The following TNS2 variants were observed in gnomAD, a reference collection of about 807,000 sequenced individuals.
The protein encoded by TNS2 is tensin 2.
Under a neutral mutation model 155.7 loss-of-function variants are expected in TNS2, and 77 were observed. That is an observed-to-expected ratio of 0.49 (90% confidence interval 0.41 to 0.60). TNS2 has a LOEUF of 0.60. Among genes scored for constraint, TNS2 ranks in the 20% least tolerant of loss-of-function variants. The pLI, the probability that TNS2 is intolerant of heterozygous loss-of-function variation, is 0.00. For missense variants in TNS2, 1,703 were observed against 1,868.8 expected (o/e 0.91, Z 1.64); for synonymous variants, 726 against 763.9 (o/e 0.95, Z 0.82).
At chr12:53,052,410 C>G (rs755596984) in intron 2 of TNS2, 45 bp from the exon 3 acceptor site, 4 of 1,612,384 alleles carry the variant, frequency 2.5e-6, no homozygotes, top group Non-Finnish European at 3.4e-6. Context: ...CTTCCACTGT[C>G]CCACAGGCCC....
At chr12:53,051,825 TCA>T in intron 1 of TNS2, 28 bp from the exon 2 acceptor site, 1 of 1,582,608 alleles carries the variant, frequency 6.3e-7, no homozygotes, top group Non-Finnish European at 8.7e-7. Flanking sequence ...CACTGGGAAC[TCA>T]CACCTCTGTT....
rs766390908 is a variant in TNS2 at position 53,060,598 on chromosome 12, A to G, written c.2768+43A>G. 6.2e-7 allele frequency: 1 copy of G among 1,602,168 alleles called. No homozygotes were observed. Among genetic ancestry groups the G allele is most frequent in the Non-Finnish European group, 8.5e-7 (1 of 1,173,110 alleles). On this transcript the variant is annotated intron_variant, in intron 19 of 28. Coordinates refer to ENST00000314250, the MANE Select transcript of TNS2 (RefSeq NM_170754.4). The surrounding 1 kb of genome is among the most constrained non-coding windows in gnomAD (Gnocchi z 6.1). ...GGATGCTCGAGTGCTTTCTTGTCCA[A>G]GCAGTTGATGAAGGCAGGTGGGGTG...
rs1007108350 is a variant in TNS2 at position 53,064,042 on chromosome 12, G to C, written c.*160G>C. ...GCCTGGGACACTGCTCTCCTTCCCCGCCCCCAGCCTGCTAAGTTAAGTGGA... is the reference window on the plus strand; with the variant it reads ...GCCTGGGACACTGCTCTCCTTCCCCCCCCCCAGCCTGCTAAGTTAAGTGGA... On this transcript the variant is annotated 3_prime_UTR_variant, in exon 29 of 29. Coordinates refer to ENST00000314250, the MANE Select transcript of TNS2 (RefSeq NM_170754.4). 1.1e-5 allele frequency: 8 copies of C among 759,666 alleles called. No individual in the cohort carries two copies. In the Admixed American group the frequency reaches 2.3e-4, roughly 22 times the overall value. 47.1% of individuals were successfully genotyped at this position (759,666 alleles called of 1,614,324 possible).
Position 53,064,030 on chromosome 12 carries a change from C to A in TNS2, c.*148C>A. 1 of 842,748 alleles carries A rather than the reference C, an allele frequency of 1.2e-6. No homozygotes were observed. The highest frequency in any genetic ancestry group is 1.8e-6 in the Non-Finnish European group (1 of 555,532). The allele number at this position is 842,748 out of a possible 1,614,324, so 52.2% of individuals were successfully genotyped here. A position where few individuals can be genotyped will look rare whatever the true frequency, so the allele number is the denominator to read the frequency against. ...AGTGGGCATCAGGCCTGGGACACTGCTCTCCTTCCCCGCCCCCAGCCTGCT... is the reference window on the plus strand; with the variant it reads ...AGTGGGCATCAGGCCTGGGACACTGATCTCCTTCCCCGCCCCCAGCCTGCT... On this transcript the variant is annotated 3_prime_UTR_variant, in exon 29 of 29. Transcript: ENST00000314250.
At chr12:53,054,845 T>C (rs1944085980) in intron 7 of TNS2, among the ~76,000 whole-genome samples, 1 of 141,836 alleles carries the variant, frequency 7.1e-6, no homozygotes, top group African/African-American at 2.8e-5. Context: ...GCCAATTTTT[T>C]TTTTTTTTTT....
In TNS2 at chr12:53,055,676, G is replaced by C; in HGVS notation, c.682G>C (p.Val228Leu). 1 of 1,614,190 alleles carries C rather than the reference G, an allele frequency of 6.2e-7. No individual in the cohort carries two copies. The highest frequency in any genetic ancestry group is 1.1e-5 in the South Asian group (1 of 91,084). Residue 228 changes from valine to leucine, a missense_variant, in exon 9 of 29, where the codon GTA becomes CTA. Val to Leu is a conservative substitution (Grantham distance 32). Transcript: ENST00000314250. ...WLSADPQHVV[V>L]LYCKGNKGKL... is the part of the protein sequence containing the mutation. ...CAGTGCTGACCCACAGCACGTGGTC[G>C]TACTATACTGCAAGGTGGGCCAGGA...
Position 53,060,971 on chromosome 12 carries a change from G to A in TNS2, c.3065G>A (p.Gly1022Asp), listed in dbSNP as rs372006021. 9 of 1,608,178 alleles carry A rather than the reference G, an allele frequency of 5.6e-6. No homozygotes were observed. Among genetic ancestry groups the A allele is most frequent in the Non-Finnish European group, 7.6e-6 (9 of 1,177,532 alleles). ...CACGCCCCCTGGCAAGGCCCTCGAGGCCCCCCCGACAGCCCAGATGGGTCT... is the reference window on the plus strand; with the variant it reads ...CACGCCCCCTGGCAAGGCCCTCGAGACCCCCCCGACAGCCCAGATGGGTCT... The part of the protein sequence containing the change: ...LRHAPWQGPR[G>D]PPDSPDGSPL... The change falls in exon 20 of 29, where the codon GGC becomes GAC. Residue 1022 changes from glycine (G) to aspartate (D), a missense_variant. Gly to Asp is a moderately conservative substitution (Grantham distance 94). Coordinates refer to ENST00000314250, the MANE Select transcript of TNS2 (RefSeq NM_170754.4). The surrounding 1 kb of genome is among the most constrained non-coding windows in gnomAD (Gnocchi z 6.1).
Position 53,057,848 on chromosome 12 carries a change from C to T in TNS2, c.1019+15C>T. ...TCTGGAGTCTAGTGAGTGCTCTATT[C>T]CCAGGCCCCTGACACTTCATGACCA... On this transcript the variant is annotated intron_variant, in intron 13 of 28. Transcript: ENST00000314250. 3.1e-6 allele frequency: 5 copies of T among 1,613,842 alleles called. No homozygotes were observed. Among genetic ancestry groups the T allele is most frequent in the Non-Finnish European group, 4.2e-6 (5 of 1,180,006 alleles).
At chr12:53,062,480 C>G (rs769449016) in intron 24 of TNS2, 27 bp downstream of exon 24, 2 of 1,612,510 alleles carry the variant, frequency 1.2e-6, no homozygotes, top group African/African-American at 2.7e-5. Context: ...CTGTCCTCCC[C>G]ACCTCTCCCT....
At chr12:53,061,339 C>T (rs767740953) in intron 20 of TNS2, 41 bp from the exon 21 acceptor site, 15 of 1,612,910 alleles carry the variant, frequency 9.3e-6, no homozygotes, top group South Asian at 6.6e-5. Context: ...GATGGGGACC[C>T]GGGTACCCTG....
At chr12:53,062,844 G>A in intron 25 of TNS2, 147 bp downstream of exon 25, 1 of 1,056,748 alleles carries the variant, frequency 9.5e-7, no homozygotes, top group Non-Finnish European at 1.4e-6. Flanking sequence ...TCGGGGATGA[G>A]GAATTGGGTC....
At position 53,054,272 on chromosome 12, in the gene TNS2, G is replaced by A. The variant is rs948345499; in HGVS notation, c.353G>A (p.Ser118Asn). The A allele has an allele frequency of 1.2e-6, 2 of 1,612,674 alleles. No individual in the cohort carries two copies. Reference protein sequence around the residue: ...HSKQRSTLPRSFSLDPLMERR... With the variant: ...HSKQRSTLPRNFSLDPLMERR... Reference sequence around the variant, plus strand: ...ATGCGTAGGCTCCTCCTCCCCAGGAGCTTCAGCCTGGACCCGCTCATGGAG... The same window carrying A: ...ATGCGTAGGCTCCTCCTCCCCAGGAACTTCAGCCTGGACCCGCTCATGGAG... The change falls in exon 7 of 29, where the codon AGC (serine) becomes AAC (asparagine). Residue 118 changes from serine (S) to asparagine (N), a missense_variant and splice_region_variant. Physicochemically the swap from Ser to Asn is conservative, Grantham distance 46. Transcript: ENST00000314250.
Position 53,058,735 on chromosome 12 carries a change from C to T in TNS2, c.1313C>T (p.Pro438Leu). The T allele has an allele frequency of 6.2e-7, 1 of 1,614,042 alleles. No individual in the cohort carries two copies. Among genetic ancestry groups the T allele is most frequent in the African/African-American group, 1.3e-5 (1 of 75,014 alleles). The change falls in exon 17 of 29, where the codon CCC becomes CTC. Residue 438 changes from proline to leucine, a missense_variant. Coordinates refer to ENST00000314250, the MANE Select transcript of TNS2 (RefSeq NM_170754.4). ...ACAGGCAGCACTCCACGGAACGACC[C>T]CTCGGTCTCTGTCGACTACAACACC... The part of the protein sequence containing the change: ...KIKGSTPRND[P>L]SVSVDYNTTE...
Position 53,063,343 on chromosome 12 carries a change from T to A in TNS2, c.3993-6T>A. ...AGTGTGACCTTCCTCACCCTCCTCC[T>A]TGCAGGCTCTTCTTTCGCCGCCATT... is the stretch of plus-strand genomic sequence containing the variant. On this transcript the variant is annotated splice_polypyrimidine_tract_variant and splice_region_variant and intron_variant, in intron 26 of 28. Transcript: ENST00000314250. This position sits in a 1 kb window ranked among gnomAD's most constrained non-coding sequence, Gnocchi z 5.6. The A allele has an allele frequency of 6.2e-7, 1 of 1,614,038 alleles. No individual in the cohort carries two copies. The highest frequency in any genetic ancestry group is 8.5e-7 in the Non-Finnish European group (1 of 1,179,978).
intron 10 of TNS2, among the ~76,000 whole-genome samples, chr12:53,056,748 C>T (rs1329298831): frequency 1.3e-5 from 2 of 152,168 alleles, no homozygotes; most frequent in African/African-American, 4.8e-5. Flanking sequence ...AGGTACATGT[C>T]TTTTGGGGGG....
intron 2 of TNS2, 130 bp from the exon 3 acceptor site, chr12:53,052,325 C>A: frequency 1.7e-6 from 2 of 1,204,526 alleles, no homozygotes; most frequent in Non-Finnish European, 2.4e-6. Context: ...TCTGCCCCAG[C>A]CAGCCCAGTC....
chr12:53,054,379 C>G lies in TNS2; in HGVS notation c.460C>G (p.His154Asp), dbSNP rs1282729589. The G allele has an allele frequency of 4.3e-6, 7 of 1,611,298 alleles. No individual in the cohort carries two copies. In the South Asian group the frequency reaches 7.7e-5, roughly 18 times the overall value. ...AFPARPDEQR[H>D]RGHLRELAHV... is the part of the protein sequence containing the mutation. Reference sequence around the variant, plus strand: ...CCCCGCGCGGCCCGATGAACAGCGGCACCGGGGCCACCTGCGCGAGCTGGC... The same window carrying G: ...CCCCGCGCGGCCCGATGAACAGCGGGACCGGGGCCACCTGCGCGAGCTGGC... The change falls in exon 7 of 29, where the codon CAC becomes GAC. Residue 154 changes from histidine to aspartate, a missense_variant. By Grantham distance (81) the His-to-Asp change is moderately conservative (BLOSUM62 -1). Coordinates refer to ENST00000314250, the MANE Select transcript of TNS2 (RefSeq NM_170754.4).
In TNS2 at chr12:53,053,761, C is replaced by T. The variant is rs1436836463; in HGVS notation, c.262-13C>T. On this transcript the variant is annotated splice_polypyrimidine_tract_variant and intron_variant, in intron 4 of 28. Coordinates refer to ENST00000314250, the MANE Select transcript of TNS2 (RefSeq NM_170754.4). ...AACTAACCACTCCCTTTTCCTCCCCCATCTCCCTCTAGCGGCGAAACACGG... is the reference window on the plus strand; with the variant it reads ...AACTAACCACTCCCTTTTCCTCCCCTATCTCCCTCTAGCGGCGAAACACGG... 3 of 1,610,536 alleles carry T rather than the reference C, an allele frequency of 1.9e-6. No homozygotes were observed. In the Admixed American group the frequency reaches 5.1e-5, roughly 27 times the overall value.
chr12:53,050,013 CCCG>C (rs1264603444), upstream of TNS2: 2 of 1,438,852 alleles, frequency 1.4e-6, no homozygotes, highest in African/African-American at 1.4e-5. This position sits in a 1 kb window ranked among gnomAD's most constrained non-coding sequence, Gnocchi z 4.7. Context: ...CTGCCCCCTT[CCCG>C]CCTGCACTTC....
Sources: gnomAD v4.1 joint callset for allele counts (sites outside exome capture counted in the v4.1 genomes callset) on GRCh38, gnomAD v4.1.1 for gene constraint, Gnocchi (gnomAD v3.1) non-coding constraint, MANE v1.5 for transcripts, NCBI Gene and HGNC (gene_info 2026-07-23, HGNC 2026-07-21) for gene names.